GADL1: variants seen among roughly 807,000 people sequenced by gnomAD.
The protein encoded by GADL1 is GAD like acidic amino acid decarboxylase 1.
Under a neutral mutation model 69.5 loss-of-function variants are expected in GADL1, and 71 were observed. That is an observed-to-expected ratio of 1.02 (90% CI 0.84 to 1.25). The LOEUF is 1.25. GADL1 is among the 50% of genes most tolerant of loss of function. The pLI is 0.00. For synonymous variants in GADL1, 254 were observed against 214.4 expected (o/e 1.18, Z -1.62); for missense variants, 737 against 631.8 (o/e 1.17, Z -1.79).
At chr3:30,793,805 C>T (rs1205895689) in intron 12 of GADL1, among the ~76,000 whole-genome samples, 3 of 145,004 alleles carry the variant, frequency 2.1e-5, no homozygotes, top group African/African-American at 7.7e-5. Flanking sequence ...CTTCAGCAGC[C>T]GCTTAGCGCC....
chr3:30,826,371 C>T (rs140648467), intron 11 of GADL1, among the ~76,000 whole-genome samples: 58 of 151,972 alleles, frequency 3.8e-4, no homozygotes, highest in Admixed American at 2.7e-3. Flanking sequence ...CAAAGGTTGG[C>T]GTTCCATACT....
intron 14 of GADL1, among the ~76,000 whole-genome samples, chr3:30,739,363 GC>G (rs780356541): frequency 3.3e-5 from 5 of 151,956 alleles, no homozygotes; most frequent in Non-Finnish European, 7.4e-5. Flanking sequence ...CTATCTACCT[GC>G]CCCCACCTGC....
intron 14 of GADL1, among the ~76,000 whole-genome samples, chr3:30,750,581 A>G (rs1695793527): frequency 6.6e-6 from 1 of 152,214 alleles, no homozygotes; most frequent in Admixed American, 6.5e-5. Context: ...TTCCAGTGTA[A>G]TGAAATGATG....
rs116088150 is a variant in GADL1 at position 30,736,379 on chromosome 3, C to T, written c.1393-7964G>A. ...ATCATATTTCTCTTCCATTCAGAGCCGATAATCCTTTGCAGGGTCCTTATG... is the reference window on the plus strand; with the variant it reads ...ATCATATTTCTCTTCCATTCAGAGCTGATAATCCTTTGCAGGGTCCTTATG... On this transcript the variant is annotated intron_variant, in intron 14 of 14. Coordinates refer to ENST00000282538, the MANE Select transcript of GADL1 (RefSeq NM_207359.3). 3.6e-3 allele frequency among the ~76,000 whole-genome samples: 554 copies of T among 152,056 alleles called. 3 individuals are homozygous for T. The highest frequency in any genetic ancestry group is 0.012 in the African/African-American group (501 of 41,480).
Position 30,775,699 on chromosome 3 carries a change from A to G in GADL1, c.1392+2480T>C, listed in dbSNP as rs186408286. On this transcript the variant is annotated intron_variant, in intron 14 of 14. Coordinates refer to ENST00000282538, the MANE Select transcript of GADL1 (RefSeq NM_207359.3). ...GGATGGAGAGTCCAAGATGGCTGAC[A>G]GTAAAAAAAATAAACTGGATATTTA... is the stretch of plus-strand genomic sequence containing the variant. 2.9e-3 allele frequency among the ~76,000 whole-genome samples: 446 copies of G among 152,302 alleles called. 2 individuals carry two copies. Among genetic ancestry groups the G allele is most frequent in the African/African-American group, 0.01 (431 of 41,560 alleles).
chr3:30,796,974 A>G (rs1697044507), intron 12 of GADL1, among the ~76,000 whole-genome samples: 2 of 152,156 alleles, frequency 1.3e-5, no homozygotes, highest in African/African-American at 4.8e-5. Context: ...TAACTTTGCA[A>G]TTCTTCCTGC....
chr3:30,815,558 T>C (rs900983488), intron 11 of GADL1, among the ~76,000 whole-genome samples: 2 of 152,122 alleles, frequency 1.3e-5, no homozygotes, highest in Admixed American at 6.5e-5. Context: ...CAACCTTGGC[T>C]GAAAGAGGGA....
chr3:30,889,210 G>C (rs750979112), intron 1 of GADL1, among the ~76,000 whole-genome samples: 3 of 151,920 alleles, frequency 2.0e-5, no homozygotes, highest in Non-Finnish European at 2.9e-5. Context: ...TACATGGTGG[G>C]AGGCAAGACA....
intron 14 of GADL1, among the ~76,000 whole-genome samples, chr3:30,754,816 A>G (rs920029016): frequency 6.6e-6 from 1 of 152,056 alleles, no homozygotes; most frequent in African/African-American, 2.4e-5. Flanking sequence ...CTAAAAATGA[A>G]TTTTAACTCT....
chr3:30,836,126 G>A (rs779145571), intron 9 of GADL1, among the ~76,000 whole-genome samples: 110 of 151,878 alleles, frequency 7.2e-4, no homozygotes, highest in Non-Finnish European at 1.4e-3. Context: ...ACCTATCAGT[G>A]ACAACTACAG....
chr3:30,833,752 G>T, intron 11 of GADL1, 101 bp downstream of exon 11: 4 of 748,390 alleles, frequency 5.3e-6, no homozygotes, highest in African/African-American at 1.7e-5. Flanking sequence ...TTCAATTTAC[G>T]CCTCGCCCAA....
At chr3:30,865,495 C>T (rs1698388662) in intron 1 of GADL1, among the ~76,000 whole-genome samples, 1 of 151,962 alleles carries the variant, frequency 6.6e-6, no homozygotes, top group Non-Finnish European at 1.5e-5. Context: ...GTGATAATGT[C>T]TTCCTCCCTT....
intron 13 of GADL1, chr3:30,779,022 A>T (rs548667650): frequency 6.6e-6 from 1 of 152,324 alleles, no homozygotes; most frequent in Admixed American, 6.5e-5. Context: ...ATCTACACTA[A>T]GTAATCATAA....
At chr3:30,779,581 A>G (rs1406205139) in intron 13 of GADL1, among the ~76,000 whole-genome samples, 1 of 152,270 alleles carries the variant, frequency 6.6e-6, no homozygotes, top group African/African-American at 2.4e-5. Context: ...GGCAAAAACC[A>G]CAATGACTTT....
intron 14 of GADL1, among the ~76,000 whole-genome samples, chr3:30,745,658 C>G (rs1395164540): frequency 1.3e-5 from 2 of 152,194 alleles, no homozygotes; most frequent in Non-Finnish European, 2.9e-5. Flanking sequence ...TACCTTCCAT[C>G]ATGAATAATT....
chr3:30,844,709 A>G (rs369512654), intron 6 of GADL1, among the ~76,000 whole-genome samples: 2 of 152,130 alleles, frequency 1.3e-5, no homozygotes, highest in African/African-American at 4.8e-5. Context: ...AACAAATAAT[A>G]TACACTCTCC....
At chr3:30,768,841 C>T (rs1371054772) in intron 14 of GADL1, among the ~76,000 whole-genome samples, 2 of 152,184 alleles carry the variant, frequency 1.3e-5, no homozygotes, top group African/African-American at 4.8e-5. Context: ...ATTTTCACAG[C>T]ATTTGTTCAC....
intron 14 of GADL1, among the ~76,000 whole-genome samples, chr3:30,751,402 C>T (rs1367605133): frequency 1.3e-5 from 2 of 151,850 alleles, no homozygotes; most frequent in African/African-American, 2.4e-5. Flanking sequence ...CTTTTTCTTT[C>T]CTTACTCCGT....
chr3:30,787,847 G>A (rs1327906166), intron 12 of GADL1, among the ~76,000 whole-genome samples: 4 of 152,038 alleles, frequency 2.6e-5, no homozygotes, highest in Non-Finnish European at 5.9e-5. Flanking sequence ...CGTCATTTTA[G>A]GAAGGCCATT....
Sources: allele counts gnomAD v4.1 joint callset (sites outside exome capture counted in the v4.1 genomes callset), GRCh38; gene constraint gnomAD v4.1.1; transcripts MANE v1.5; gene names NCBI Gene and HGNC (gene_info 2026-07-23, HGNC 2026-07-21).